AKR7A2: variants seen among roughly 807,000 people sequenced by gnomAD.
AKR7A2 encodes aflatoxin B1 aldehyde reductase member 2.
Under a neutral mutation model 37.3 loss-of-function variants are expected in AKR7A2, and 29 were observed. The observed-to-expected ratio is 0.78, with a 90% CI of 0.58 to 1.06. The LOEUF is 1.06. AKR7A2 is among the 50% of genes least tolerant of loss of function. The pLI, the probability that AKR7A2 is intolerant of heterozygous loss-of-function variation, is 0.00. For synonymous variants in AKR7A2, 228 were observed against 217.8 expected (o/e 1.05, Z -0.41); for missense variants, 529 against 497.9 (o/e 1.06, Z -0.59).
rs1298566462 is a variant in AKR7A2 at position 19,308,655 on chromosome 1, A to G, written c.299-13T>C. 1 of 1,613,622 alleles carries G rather than the reference A, an allele frequency of 6.2e-7. No individual in the cohort carries two copies. Among genetic ancestry groups the G allele is most frequent in the Non-Finnish European group, 8.5e-7 (1 of 1,179,630 alleles). On this transcript the variant is annotated splice_polypyrimidine_tract_variant and intron_variant, in intron 1 of 6. Transcript: ENST00000235835. ...GTGGCAATTTTCACTTGGAGAGAGAATGGAATGGTTAAGTGACCTATTAGA... is the reference window on the plus strand; with the variant it reads ...GTGGCAATTTTCACTTGGAGAGAGAGTGGAATGGTTAAGTGACCTATTAGA...
At chr1:19,303,281 A>G (rs142236515), downstream of AKR7A2, among the ~76,000 whole-genome samples, 93 of 152,294 alleles carry the variant, frequency 6.1e-4, 1 homozygote, top group African/African-American at 2.1e-3. Flanking sequence ...ACAAATAATA[A>G]ATATAAATGA....
At position 19,311,957 on chromosome 1, in the gene AKR7A2, G is replaced by C; in HGVS notation, c.168C>G (p.Ser56Arg). 2 of 1,581,014 alleles carry C rather than the reference G, an allele frequency of 1.3e-6. No individual in the cohort carries two copies. The highest frequency in any genetic ancestry group is 1.1e-5 in the South Asian group (1 of 87,994). ...EMGRRMDAPA[S>R]AAAVRAFLER... Reference sequence around the variant, plus strand: ...CCAGAAAGGCGCGCACGGCCGCGGCGCTGGCGGGCGCGTCCATGCGGCGCC... The same window carrying C: ...CCAGAAAGGCGCGCACGGCCGCGGCCCTGGCGGGCGCGTCCATGCGGCGCC... The change falls in exon 1 of 7, where the codon AGC (serine) becomes AGG (arginine). Residue 56 changes from serine (S) to arginine (R), a missense_variant. Ser to Arg is a moderately radical substitution (Grantham distance 110). Coordinates refer to ENST00000235835, the MANE Select transcript of AKR7A2 (RefSeq NM_003689.4).
chr1:19,307,529 C>T (rs771399206), intron 3 of AKR7A2, 119 bp from the exon 4 acceptor site: 6 of 1,066,974 alleles, frequency 5.6e-6, no homozygotes, highest in Non-Finnish European at 7.1e-6. Flanking sequence ...TCTAACATCA[C>T]TACTGTTAGT....
At position 19,304,047 on chromosome 1, in the gene AKR7A2, C is replaced by T. The variant is rs909863111; in HGVS notation, c.*178G>A. 2 of 1,044,878 alleles carry T rather than the reference C, an allele frequency of 1.9e-6. No individual in the cohort carries two copies. Among genetic ancestry groups the T allele is most frequent in the African/African-American group, 1.6e-5 (1 of 62,732 alleles). The allele number at this position is 1,044,878 out of a possible 1,614,324, so 64.7% of individuals were successfully genotyped here. ...ACAGGAAGCGCTCAAGTGGGACTCA[C>T]CCCCCACCTTTCACAGTGTAAAGTG... On this transcript the variant is annotated 3_prime_UTR_variant, in exon 7 of 7. Coordinates refer to ENST00000235835, the MANE Select transcript of AKR7A2 (RefSeq NM_003689.4).
chr1:19,304,535 G>T, intron 6 of AKR7A2, 149 bp from the exon 7 acceptor site: 1 of 1,375,858 alleles, frequency 7.3e-7, no homozygotes, highest in Non-Finnish European at 1.0e-6. Context: ...GCCTTGGATA[G>T]CTGTACCCAC....
At chr1:19,309,995 G>T (rs934722728) in intron 1 of AKR7A2, among the ~76,000 whole-genome samples, 16 of 152,080 alleles carry the variant, frequency 1.1e-4, no homozygotes, top group African/African-American at 3.6e-4. Flanking sequence ...AGAATCACTT[G>T]AACCTGGGAG....
Position 19,312,067 on chromosome 1 carries a change from A to G in AKR7A2, c.58T>C (p.Ser20Pro), listed in dbSNP as rs2093778186. The G allele has an allele frequency of 2.0e-5, 27 of 1,357,648 alleles. No homozygotes were observed. The highest frequency in any genetic ancestry group is 3.1e-5 in the African/African-American group (2 of 64,748). 84.1% of individuals were successfully genotyped at this position (1,357,648 alleles called of 1,614,324 possible). A position where few individuals can be genotyped will look rare whatever the true frequency, so the allele number is the denominator to read the frequency against. Residue 20 changes from serine to proline, a missense_variant, in exon 1 of 7, where the codon TCT (serine) becomes CCT (proline). By Grantham distance (74) the Ser-to-Pro change is moderately conservative. Coordinates refer to ENST00000235835, the MANE Select transcript of AKR7A2 (RefSeq NM_003689.4). ...SRAAVHCALR[S>P]PPPEARALAM... ...AGCGCGCGGGCCTCGGGCGGCGGAG[A>G]GCGAAGCGCGCAGTGGACGGCGGCG...
intron 3 of AKR7A2, 67 bp downstream of exon 3, chr1:19,308,091 G>C (rs779593937): frequency 1.9e-6 from 3 of 1,596,658 alleles, no homozygotes; most frequent in South Asian, 1.1e-5. Context: ...GGCAGTCAGG[G>C]GGGCAAAGAG....
At chr1:19,307,169 C>T in intron 4 of AKR7A2, 68 bp from the exon 5 acceptor site, 1 of 1,597,268 alleles carries the variant, frequency 6.3e-7, no homozygotes, top group South Asian at 1.1e-5. Flanking sequence ...CCTCAGGGCT[C>T]TGGTCTAGGG....
intron 1 of AKR7A2, 149 bp downstream of exon 1, chr1:19,311,678 G>A: frequency 3.1e-6 from 3 of 959,236 alleles, no homozygotes; most frequent in South Asian, 1.5e-5. Flanking sequence ...TTGTCCCGGG[G>A]TTCCCAGAGC....
intron 1 of AKR7A2, 72 bp downstream of exon 1, chr1:19,311,755 G>A (rs2093776493): frequency 1.9e-6 from 3 of 1,589,876 alleles, no homozygotes; most frequent in Non-Finnish European, 2.6e-6. Context: ...CCGGGCCCGA[G>A]CGGGGTGGTG....
At chr1:19,304,910 G>A (rs151015195) in intron 6 of AKR7A2, among the ~76,000 whole-genome samples, 2,438 of 152,218 alleles carry the variant, frequency 0.016, 25 homozygotes, top group Non-Finnish European at 0.018. Flanking sequence ...CTGTTCTACC[G>A]CCTGGGTAAC....
At chr1:19,306,608 T>C (rs996516090) in intron 5 of AKR7A2, among the ~76,000 whole-genome samples, 1 of 29,400 alleles carries the variant, frequency 3.4e-5, no homozygotes, top group African/African-American at 2.7e-4. Context: ...GACCACTTTT[T>C]TGCATTTTTT....
chr1:19,310,094 C>CA lies in AKR7A2; in HGVS notation c.299-1453dup, dbSNP rs146684709. Among the ~76,000 whole-genome samples the CA allele has an allele frequency of 6.8e-3, 1,019 of 148,766 alleles. 3 individuals carry two copies. The highest frequency in any genetic ancestry group is 0.011 in the Admixed American group (168 of 14,992). ...CTGTGTCAAAAAACAAAAAACAAAA[C>CA]AAAAAAAAAGAACCCCAGCTGTCTG... is the stretch of plus-strand genomic sequence containing the variant. On this transcript the variant is annotated intron_variant, in intron 1 of 6. Coordinates refer to ENST00000235835, the MANE Select transcript of AKR7A2 (RefSeq NM_003689.4).
At chr1:19,305,879 A>G (rs2093760576) in intron 6 of AKR7A2, 139 bp downstream of exon 6, 3 of 1,378,472 alleles carry the variant, frequency 2.2e-6, no homozygotes, top group African/African-American at 2.9e-5. Context: ...ATCAAAGACC[A>G]GTGGGAAGAG....
Position 19,308,565 on chromosome 1 carries a change from A to G in AKR7A2, c.376T>C (p.Ser126Pro). 1 of 1,614,144 alleles carries G rather than the reference A, an allele frequency of 6.2e-7. No individual in the cohort carries two copies. Residue 126 changes from serine (S) to proline (P), a missense_variant, in exon 2 of 7, where the codon TCA (serine) becomes CCA (proline). Coordinates refer to ENST00000235835, the MANE Select transcript of AKR7A2 (RefSeq NM_003689.4). ...TGGGGACACTGCAGCCTCTTCAATG[A>G]CGTCTCCAGCTGGGACCGGACACTG... Reference protein sequence around the residue: ...PDSVRSQLETSLKRLQCPQVD... With the variant: ...PDSVRSQLETPLKRLQCPQVD...
At chr1:19,305,088 C>T (rs1171353970) in intron 6 of AKR7A2, 5 of 156,882 alleles carry the variant, frequency 3.2e-5, no homozygotes, top group Admixed American at 1.8e-4. Context: ...AAATATGGAA[C>T]ACTTCACAAA....
At chr1:19,308,726 T>C in intron 1 of AKR7A2, 84 bp from the exon 2 acceptor site, 4 of 1,313,828 alleles carry the variant, frequency 3.0e-6, no homozygotes, top group Non-Finnish European at 3.3e-6. Flanking sequence ...TAATATTCTC[T>C]TGGCCTCAAT....
intron 3 of AKR7A2, chr1:19,307,637 T>C: frequency 1.7e-6 from 1 of 602,108 alleles, no homozygotes. Flanking sequence ...TGCTGGACAC[T>C]GGTTACAACC....
Sources: gnomAD v4.1 joint callset for allele counts (sites outside exome capture counted in the v4.1 genomes callset) on GRCh38, gnomAD v4.1.1 for gene constraint, MANE v1.5 for transcripts, NCBI Gene and HGNC (gene_info 2026-07-23, HGNC 2026-07-21) for gene names.